The following RNF122 variants were observed in gnomAD, a reference collection of about 807,000 sequenced individuals.
RNF122 encodes ring finger protein 122.
RNF122 carries 17 observed loss-of-function variants against 24.2 expected under a neutral mutation model. That is an observed-to-expected ratio of 0.70 (90% CI 0.48 to 1.06). The LOEUF is 1.06. Among genes scored for constraint, RNF122 ranks in the 50% least tolerant of loss-of-function variants. The pLI, the probability that RNF122 is intolerant of heterozygous loss-of-function variation, is 0.00. For synonymous variants in RNF122, 65 were observed against 71.8 expected (o/e 0.91, Z 0.48); for missense variants, 168 against 198.1 (o/e 0.85, Z 0.91).
intron 2 of RNF122, among the ~76,000 whole-genome samples, chr8:33,554,834 T>C (rs1315165320): frequency 6.6e-6 from 1 of 152,098 alleles, no homozygotes; most frequent in African/African-American, 2.4e-5. Context: ...TCCATTCCTG[T>C]GTAGGGCAGA....
Position 33,566,887 on chromosome 8 carries a change from G to C in RNF122, c.-164C>G. The C allele has an allele frequency of 2.8e-6, 2 of 723,998 alleles. No individual in the cohort carries two copies. Among genetic ancestry groups the C allele is most frequent in the Non-Finnish European group, 4.8e-6 (2 of 416,486 alleles). 44.8% of individuals were successfully genotyped at this position (723,998 alleles called of 1,614,324 possible). ...AACTCCCTCCGGAGTGGGGGGCTTT[G>C]ACGAGGCTGGTGTTCAGCCCAACAA... On this transcript the variant is annotated 5_prime_UTR_variant, in exon 1 of 6. Transcript: ENST00000256257.
At chr8:33,564,235 T>C (rs921784038) in intron 1 of RNF122, among the ~76,000 whole-genome samples, 2 of 152,246 alleles carry the variant, frequency 1.3e-5, no homozygotes, top group African/African-American at 4.8e-5. Flanking sequence ...GGACAGGATC[T>C]CTCAGTCACT....
chr8:33,564,765 G>C (rs192369045), intron 1 of RNF122, among the ~76,000 whole-genome samples: 6 of 152,182 alleles, frequency 3.9e-5, no homozygotes, highest in Non-Finnish European at 1.5e-5. Flanking sequence ...CCAGGTACTC[G>C]GGAAGCTGAG....
chr8:33,556,890 G>T (rs367701518), intron 2 of RNF122, among the ~76,000 whole-genome samples: 75 of 152,206 alleles, frequency 4.9e-4, no homozygotes, highest in Admixed American at 1.4e-3. Flanking sequence ...GAGTGGTGGG[G>T]AGATGTGCCT....
intron 1 of RNF122, among the ~76,000 whole-genome samples, chr8:33,563,523 C>T (rs1262146302): frequency 6.6e-6 from 1 of 152,192 alleles, no homozygotes; most frequent in Non-Finnish European, 1.5e-5. Flanking sequence ...TTCCTTGTGT[C>T]TAGGCTCTAG....
At position 33,548,579 on chromosome 8, in the gene RNF122, G is replaced by A. The variant is rs1254206830; in HGVS notation, c.*174C>T. ...AGGCTTCAGGAGGCAGGAAGTGGGG[G>A]CACATCTGGCACTGGTCTTGCACTG... On this transcript the variant is annotated 3_prime_UTR_variant, in exon 6 of 6. Coordinates refer to ENST00000256257, the MANE Select transcript of RNF122 (RefSeq NM_024787.3). 25 of 535,312 alleles carry A rather than the reference G, an allele frequency of 4.7e-5. No individual in the cohort carries two copies. In the Admixed American group the frequency reaches 7.6e-4, roughly 16 times the overall value. 33.2% of individuals were successfully genotyped at this position (535,312 alleles called of 1,614,324 possible). A position where few individuals can be genotyped will look rare whatever the true frequency, so the allele number is the denominator to read the frequency against.
chr8:33,561,411 G>A (rs1013197523), intron 1 of RNF122, among the ~76,000 whole-genome samples: 16 of 152,084 alleles, frequency 1.1e-4, no homozygotes, highest in African/African-American at 3.9e-4. Context: ...TTCAGGCTGT[G>A]CCCAATTCTA....
chr8:33,565,961 C>T (rs945525340), intron 1 of RNF122, among the ~76,000 whole-genome samples: 4 of 152,206 alleles, frequency 2.6e-5, no homozygotes, highest in African/African-American at 9.6e-5. Flanking sequence ...TCAAGCGATT[C>T]TCCTGCCTCA....
rs776865126 is a variant in RNF122, at chr8:33,551,424, T to C, written c.183-35A>G. 6.2e-6 allele frequency: 10 copies of C among 1,611,496 alleles called. No individual in the cohort carries two copies. In the South Asian group the frequency reaches 8.8e-5, roughly 14 times the overall value. On this transcript the variant is annotated intron_variant, in intron 2 of 5. Coordinates refer to ENST00000256257, the MANE Select transcript of RNF122 (RefSeq NM_024787.3). ...AGAGAAAAAAATTAGAGAAAGCAGG[T>C]TAAATGGAACAATTCAAAGCAGGAG...
chr8:33,551,135 G>T lies in RNF122; in HGVS notation c.229-50C>A, dbSNP rs781024989. 3.7e-6 allele frequency: 6 copies of T among 1,601,004 alleles called. No homozygotes were observed. In the Admixed American group the frequency reaches 1.0e-4, roughly 27 times the overall value. On this transcript the variant is annotated intron_variant, in intron 3 of 5. Transcript: ENST00000256257. The stretch of plus-strand genomic sequence containing the variant: ...GTCCAAAGAAGAACCAACCACTGGG[G>T]CCAGCCAGGTAGTATCAACCAATGA...
At chr8:33,566,619 G>C (rs1028732515) in intron 1 of RNF122, 80 bp downstream of exon 1, 9 of 1,427,776 alleles carry the variant, frequency 6.3e-6, no homozygotes, top group Admixed American at 5.9e-5. Context: ...GAGGACCAGC[G>C]CGCTGCTGTC....
At chr8:33,555,908 C>T (rs1481338069) in intron 2 of RNF122, among the ~76,000 whole-genome samples, 1 of 152,182 alleles carries the variant, frequency 6.6e-6, no homozygotes, top group East Asian at 1.9e-4. Flanking sequence ...TGGCTCATGC[C>T]TGTAATCCCA....
intron 1 of RNF122, among the ~76,000 whole-genome samples, chr8:33,565,036 T>A (rs1810601116): frequency 6.6e-6 from 1 of 152,186 alleles, no homozygotes; most frequent in South Asian, 2.1e-4. Flanking sequence ...GACATCAGAA[T>A]GTCTCATCTC....
At chr8:33,549,577 C>T in intron 4 of RNF122, 85 bp from the exon 5 acceptor site, 5 of 970,714 alleles carry the variant, frequency 5.2e-6, no homozygotes, top group Non-Finnish European at 8.2e-6. Flanking sequence ...AAGCTCTAGC[C>T]TAGTCTGTTC....
intron 2 of RNF122, among the ~76,000 whole-genome samples, chr8:33,557,841 C>T (rs553920451): frequency 6.6e-5 from 10 of 151,972 alleles, no homozygotes; most frequent in East Asian, 5.8e-4. Flanking sequence ...GCTTATAAGG[C>T]GGAATAAACA....
chr8:33,548,952 G>A (rs1810330611), intron 5 of RNF122, 85 bp from the exon 6 acceptor site: 3 of 973,434 alleles, frequency 3.1e-6, no homozygotes, highest in Non-Finnish European at 5.0e-6. Context: ...ATCCCGTGGT[G>A]GCTCACAACT....
chr8:33,566,868 C>T lies in RNF122; in HGVS notation c.-145G>A, dbSNP rs940656930. The T allele has an allele frequency of 1.1e-5, 9 of 853,316 alleles. No individual in the cohort carries two copies. Among genetic ancestry groups the T allele is most frequent in the African/African-American group, 1.7e-5 (1 of 59,470 alleles). 52.9% of individuals were successfully genotyped at this position (853,316 alleles called of 1,614,324 possible). A position where few individuals can be genotyped will look rare whatever the true frequency, so the allele number is the denominator to read the frequency against. On this transcript the variant is annotated 5_prime_UTR_variant, in exon 1 of 6. Coordinates refer to ENST00000256257, the MANE Select transcript of RNF122 (RefSeq NM_024787.3). The stretch of plus-strand genomic sequence containing the variant: ...CGCCCTGCTGGAGAAGCCGAACTCC[C>T]TCCGGAGTGGGGGGCTTTGACGAGG...
At chr8:33,550,727 G>A (rs1206315138) in intron 4 of RNF122, among the ~76,000 whole-genome samples, 1 of 152,132 alleles carries the variant, frequency 6.6e-6, no homozygotes, top group Non-Finnish European at 1.5e-5. Flanking sequence ...AAAGTTAGCT[G>A]AATTCTGTCT....
At chr8:33,560,754 T>A (rs529693346) in intron 1 of RNF122, among the ~76,000 whole-genome samples, 4 of 151,902 alleles carry the variant, frequency 2.6e-5, no homozygotes, top group African/African-American at 9.7e-5. Flanking sequence ...CTGGCCAACA[T>A]GGTGAAACTC....
Sources: allele counts gnomAD v4.1 joint callset (sites outside exome capture counted in the v4.1 genomes callset), GRCh38; gene constraint gnomAD v4.1.1; transcripts MANE v1.5; gene names NCBI Gene and HGNC (gene_info 2026-07-23, HGNC 2026-07-21).